Variants in GRM8 observed in about 807,000 individuals in gnomAD.
GRM8 encodes metabotropic glutamate receptor 8.
GRM8 carries 47 observed loss-of-function variants against 87.2 expected under a neutral mutation model. That is an observed-to-expected ratio of 0.54 (90% CI 0.43 to 0.69). The LOEUF is 0.69. GRM8 is among the 30% of genes least tolerant of loss of function. GRM8 has a pLI of 0.00. For synonymous variants in GRM8, 396 were observed against 404.5 expected (o/e 0.98, Z 0.25); for missense variants, 1,019 against 1,139.2 (o/e 0.89, Z 1.52).
In GRM8 at chr7:126,836,943, T is replaced by C. The variant is rs1364639733; in HGVS notation, c.1156+65599A>G. 2.0e-5 allele frequency among the ~76,000 whole-genome samples: 3 copies of C among 152,124 alleles called. No individual in the cohort carries two copies. In the East Asian group the frequency reaches 5.8e-4, roughly 29 times the overall value. ...ATTATCTTAGGTAAGTCATCCAATT[T>C]CTCTGAGCTTTATTTTCTTATCTAT... On this transcript the variant is annotated intron_variant, in intron 6 of 10. Transcript: ENST00000339582.
At chr7:126,473,423 T>C (rs1179392946) in intron 9 of GRM8, among the ~76,000 whole-genome samples, 5 of 152,172 alleles carry the variant, frequency 3.3e-5, no homozygotes, top group East Asian at 1.9e-4. Context: ...AGCCCCTTCA[T>C]TTTGGCGAAT....
Position 126,806,321 on chromosome 7 carries a change from G to T in GRM8, c.1157-36256C>A, listed in dbSNP as rs118185856. Among the ~76,000 whole-genome samples, 633 of 152,336 alleles carry T rather than the reference G, an allele frequency of 4.2e-3. 6 individuals carry two copies. The highest frequency in any genetic ancestry group is 7.5e-3 in the Non-Finnish European group (509 of 68,032). ...TCGTGGTCTCGCGGCCTTCAGGAGTGAAGCTGCAGACCTTTGCCATGAGTG... is the reference window on the plus strand; with the variant it reads ...TCGTGGTCTCGCGGCCTTCAGGAGTTAAGCTGCAGACCTTTGCCATGAGTG... On this transcript the variant is annotated intron_variant, in intron 6 of 10. Coordinates refer to ENST00000339582, the MANE Select transcript of GRM8 (RefSeq NM_000845.3).
chr7:126,846,794 A>C (rs1228067332), intron 6 of GRM8, among the ~76,000 whole-genome samples: 1 of 152,192 alleles, frequency 6.6e-6, no homozygotes, highest in East Asian at 1.9e-4. Context: ...ATAGCAGTTT[A>C]GTTCTAAAGG....
At chr7:126,468,058 TA>T (rs1316627894) in intron 9 of GRM8, among the ~76,000 whole-genome samples, 1 of 152,044 alleles carries the variant, frequency 6.6e-6, no homozygotes, top group Non-Finnish European at 1.5e-5. Flanking sequence ...TAGATAACTA[TA>T]AAAATAAATA....
chr7:126,600,384 G>A (rs1264842332), intron 8 of GRM8, among the ~76,000 whole-genome samples: 1 of 152,002 alleles, frequency 6.6e-6, no homozygotes, highest in Non-Finnish European at 1.5e-5. Context: ...CATATGCATG[G>A]CTTCTGACTA....
intron 7 of GRM8, among the ~76,000 whole-genome samples, chr7:126,720,998 G>GTCA (rs2151453025): frequency 6.6e-6 from 1 of 152,220 alleles, no homozygotes; most frequent in African/African-American, 2.4e-5. Flanking sequence ...CCATTCTACT[G>GTCA]TCATCACAAC....
At chr7:126,848,659 A>G (rs1796931376) in intron 6 of GRM8, among the ~76,000 whole-genome samples, 1 of 151,880 alleles carries the variant, frequency 6.6e-6, no homozygotes, top group Non-Finnish European at 1.5e-5. Context: ...AATCTCTACA[A>G]AAAAATACAA....
intron 9 of GRM8, among the ~76,000 whole-genome samples, chr7:126,465,712 C>G (rs1451903385): frequency 6.6e-6 from 1 of 151,454 alleles, no homozygotes; most frequent in Non-Finnish European, 1.5e-5. Flanking sequence ...TCTGTAATTT[C>G]TTTTGGAATA....
chr7:126,662,769 G>C (rs1805342150), intron 7 of GRM8, among the ~76,000 whole-genome samples: 1 of 151,924 alleles, frequency 6.6e-6, no homozygotes, highest in Admixed American at 6.6e-5. Context: ...AGTACAACAA[G>C]AGTCGTAAAG....
chr7:127,112,277 T>C (rs1217800343), intron 2 of GRM8: 1 of 152,486 alleles, frequency 6.6e-6, no homozygotes, highest in East Asian at 1.9e-4. Flanking sequence ...TCCTTCAGCC[T>C]CAGCTCAACA....
rs148728949 is a variant in GRM8 at position 126,689,838 on chromosome 7, T to G, written c.1357+80027A>C. 2.8e-3 allele frequency among the ~76,000 whole-genome samples: 426 copies of G among 152,280 alleles called. 7 individuals are homozygous for G. Among genetic ancestry groups the G allele is most frequent in the African/African-American group, 9.7e-3 (405 of 41,546 alleles). ...TCTGCATGACCATGGGTAAAATTGT[T>G]CTTATGCTACTGGACTCAGAGAGGC... On this transcript the variant is annotated intron_variant, in intron 7 of 10. Coordinates refer to ENST00000339582, the MANE Select transcript of GRM8 (RefSeq NM_000845.3).
chr7:126,835,541 A>C (rs1327257618), intron 6 of GRM8, among the ~76,000 whole-genome samples: 1 of 152,238 alleles, frequency 6.6e-6, no homozygotes, highest in Non-Finnish European at 1.5e-5. Flanking sequence ...GCATTAAAAA[A>C]AAGTTTGTAG....
At position 126,736,005 on chromosome 7, in the gene GRM8, A is replaced by C. The variant is rs527324508; in HGVS notation, c.1357+33860T>G. Among the ~76,000 whole-genome samples, 12 of 152,182 alleles carry C rather than the reference A, an allele frequency of 7.9e-5. No individual in the cohort carries two copies. The South Asian group carries it at 2.1e-3, about 26-fold the overall frequency. On this transcript the variant is annotated intron_variant, in intron 7 of 10. Coordinates refer to ENST00000339582, the MANE Select transcript of GRM8 (RefSeq NM_000845.3). ...TATTTTTATACAATACCTTAAATAG[A>C]AGTGCACAGATTGTTAATGTTAAGT...
chr7:126,607,574 T>C (rs1021639048), intron 8 of GRM8, among the ~76,000 whole-genome samples: 2 of 152,176 alleles, frequency 1.3e-5, no homozygotes, highest in Admixed American at 1.3e-4. Context: ...GAAGAGGAGA[T>C]GTTTTTTGCT....
chr7:126,531,649 T>C (rs1287108670), intron 9 of GRM8, among the ~76,000 whole-genome samples: 3 of 152,240 alleles, frequency 2.0e-5, no homozygotes, highest in Non-Finnish European at 4.4e-5. Context: ...AATGGTTATT[T>C]TGTAAAATTT....
At chr7:126,958,570 C>A (rs1808984621) in intron 3 of GRM8, among the ~76,000 whole-genome samples, 1 of 152,162 alleles carries the variant, frequency 6.6e-6, no homozygotes, top group Non-Finnish European at 1.5e-5. Flanking sequence ...GTTCACACAC[C>A]CCCTGCCACT....
rs1215884330 is a variant in GRM8 at position 126,903,647 on chromosome 7, G to C, written c.1018+325C>G. ...TATATGTATATGTGTATATATATAG[G>C]TATATGTGTATATATATATGTATAT... On this transcript the variant is annotated intron_variant, in intron 5 of 10. Coordinates refer to ENST00000339582, the MANE Select transcript of GRM8 (RefSeq NM_000845.3). 3.5e-5 allele frequency among the ~76,000 whole-genome samples: 3 copies of C among 86,914 alleles called. No homozygotes were observed. In the East Asian group the frequency reaches 1.2e-3, roughly 33 times the overall value. The allele number at this position is 86,914 out of a possible 152,430, so 57.0% of individuals were successfully genotyped here.
intron 7 of GRM8, among the ~76,000 whole-genome samples, chr7:126,680,301 C>G (rs1228578197): frequency 6.6e-6 from 1 of 152,180 alleles, no homozygotes; most frequent in African/African-American, 2.4e-5. Flanking sequence ...GCCTGACCAG[C>G]CTGCTCAACC....
chr7:126,484,102 C>T (rs1010448809), intron 9 of GRM8, among the ~76,000 whole-genome samples: 1 of 152,038 alleles, frequency 6.6e-6, no homozygotes, highest in Non-Finnish European at 1.5e-5. Flanking sequence ...GTAAATGTCA[C>T]AGTTCAAGTA....
Sources: allele counts gnomAD v4.1 joint callset (sites outside exome capture counted in the v4.1 genomes callset), GRCh38; gene constraint gnomAD v4.1.1; transcripts MANE v1.5; gene names NCBI Gene and HGNC (gene_info 2026-07-23, HGNC 2026-07-21).